The following CLIP4 variants were observed in gnomAD, a reference collection of about 807,000 sequenced individuals.
The protein encoded by CLIP4 is CAP-Gly domain-containing linker protein 4.
A neutral mutation model predicts 73.1 loss-of-function variants in CLIP4; 47 were observed. The ratio of observed to expected loss-of-function variants is 0.64; its 90% CI spans 0.51 to 0.82. The LOEUF (loss-of-function observed/expected upper bound fraction) is 0.82. CLIP4 is among the 40% of genes least tolerant of loss of function. CLIP4 has a pLI of 0.00. For missense variants in CLIP4, 874 were observed against 852.9 expected (o/e 1.02, Z -0.31); for synonymous variants, 306 against 295.4 (o/e 1.04, Z -0.37).
At chr2:29,140,566 A>G (rs866986539) in intron 6 of CLIP4, among the ~76,000 whole-genome samples, 114 of 152,322 alleles carry the variant, frequency 7.5e-4, no homozygotes, top group Admixed American at 1.0e-3. Flanking sequence ...TTATAGCAGC[A>G]TGATTTATAG....
chr2:29,103,880 AT>A (rs893363503), intron 1 of CLIP4, among the ~76,000 whole-genome samples: 24 of 149,632 alleles, frequency 1.6e-4, no homozygotes, highest in Admixed American at 2.7e-4. Flanking sequence ...TGCCCAGTTA[AT>A]TTTTTTTTTA....
At chr2:29,101,153 G>T (rs541136788) in intron 1 of CLIP4, among the ~76,000 whole-genome samples, 1 of 152,202 alleles carries the variant, frequency 6.6e-6, no homozygotes, top group East Asian at 1.9e-4. Context: ...AGCCAGGCGT[G>T]GTGGTGCATG....
At chr2:29,118,020 A>T (rs1663987439) in intron 1 of CLIP4, among the ~76,000 whole-genome samples, 1 of 152,242 alleles carries the variant, frequency 6.6e-6, no homozygotes, top group Non-Finnish European at 1.5e-5. Flanking sequence ...GATGTTATGT[A>T]GGTAGCAAAT....
At chr2:29,147,201 G>T (rs987532516) in intron 8 of CLIP4, among the ~76,000 whole-genome samples, 1 of 151,860 alleles carries the variant, frequency 6.6e-6, no homozygotes, top group Non-Finnish European at 1.5e-5. Flanking sequence ...TTCTCTTATT[G>T]TGGTGAAATA....
intron 8 of CLIP4, among the ~76,000 whole-genome samples, chr2:29,146,665 G>A (rs747371737): frequency 1.3e-5 from 2 of 152,142 alleles, no homozygotes; most frequent in African/African-American, 4.8e-5. Context: ...TGGTGAGGTG[G>A]TGTGGTATGA....
chr2:29,144,402 G>T (rs538434130), intron 7 of CLIP4, among the ~76,000 whole-genome samples: 2 of 152,270 alleles, frequency 1.3e-5, no homozygotes, highest in East Asian at 3.9e-4. Flanking sequence ...AAGGATTTGT[G>T]TGGAAAAGAG....
intron 2 of CLIP4, among the ~76,000 whole-genome samples, chr2:29,121,816 G>A (rs1170578167): frequency 2.0e-5 from 3 of 152,086 alleles, no homozygotes; most frequent in Non-Finnish European, 2.9e-5. Context: ...GCATTCTTCT[G>A]CTATTGATGT....
chr2:29,141,462 T>C (rs918680553), intron 6 of CLIP4, among the ~76,000 whole-genome samples: 3 of 152,248 alleles, frequency 2.0e-5, no homozygotes, highest in Admixed American at 1.3e-4. Context: ...TCTACATCTT[T>C]TTGTAAGTCT....
Position 29,107,373 on chromosome 2 carries a change from T to TTTTG in CLIP4, c.-16+9429_-16+9430insGTTT, listed in dbSNP as rs1558504989. Among the ~76,000 whole-genome samples the TTTTG allele has an allele frequency of 7.7e-4, 97 of 126,790 alleles. 5 individuals are homozygous for TTTTG. Among genetic ancestry groups the TTTTG allele is most frequent in the East Asian group, 9.1e-4 (4 of 4,374 alleles). 83.2% of individuals were successfully genotyped at this position (126,790 alleles called of 152,430 possible). On this transcript the variant is annotated intron_variant, in intron 1 of 14. Transcript: ENST00000401605. ...GAACATGATAGTTTTTTTTTTTTTT[T>TTTTG]TTTTTTTTTTTTTTTTGAGATGGAG...
At chr2:29,174,546 T>G (rs1300798579) in intron 15 of CLIP4, 101 bp downstream of exon 15, 15 of 1,496,182 alleles carry the variant, frequency 1.0e-5, no homozygotes, top group Non-Finnish European at 1.3e-5. Flanking sequence ...CATTGCTTGG[T>G]AGAGTTTTAA....
intron 8 of CLIP4, among the ~76,000 whole-genome samples, chr2:29,152,063 C>A (rs890894078): frequency 3.3e-5 from 5 of 152,092 alleles, no homozygotes; most frequent in African/African-American, 1.2e-4. Context: ...TTTATCCCTG[C>A]TATGTGTAAC....
chr2:29,169,147 A>G (rs993146897), intron 14 of CLIP4, among the ~76,000 whole-genome samples: 3 of 152,170 alleles, frequency 2.0e-5, no homozygotes, highest in Non-Finnish European at 4.4e-5. Context: ...ATTAGTTGCT[A>G]GGGATGCTGT....
intron 14 of CLIP4, among the ~76,000 whole-genome samples, chr2:29,173,957 T>C (rs1417157278): frequency 6.6e-6 from 1 of 152,232 alleles, no homozygotes; most frequent in Non-Finnish European, 1.5e-5. Context: ...TAATTCAATT[T>C]TATTTGATTT....
At chr2:29,168,678 A>G (rs1207412568) in intron 14 of CLIP4, among the ~76,000 whole-genome samples, 1 of 150,924 alleles carries the variant, frequency 6.6e-6, no homozygotes, top group Admixed American at 6.6e-5. Flanking sequence ...ACCTGCCACC[A>G]CGCCCGGCTA....
At chr2:29,131,180 TG>T in intron 2 of CLIP4, 77 bp from the exon 3 acceptor site, 1 of 1,203,744 alleles carries the variant, frequency 8.3e-7, no homozygotes, top group African/African-American at 1.6e-5. Context: ...ATTTGAACCT[TG>T]GTTTTATTGT....
At chr2:29,104,767 A>G (rs1390387612) in intron 1 of CLIP4, among the ~76,000 whole-genome samples, 1 of 152,194 alleles carries the variant, frequency 6.6e-6, no homozygotes, top group African/African-American at 2.4e-5. Flanking sequence ...ATCAGCAACA[A>G]TGCCTCTAAA....
chr2:29,099,248 G>A (rs78987016), intron 1 of CLIP4, among the ~76,000 whole-genome samples: 3,922 of 152,134 alleles, frequency 0.026, 173 homozygotes, highest in African/African-American at 0.089. Context: ...TTATGCCTTT[G>A]GTGTTGTATC....
chr2:29,150,643 C>CTTTTTTTTTTT (rs34553625), intron 8 of CLIP4, among the ~76,000 whole-genome samples: 1 of 80,234 alleles, frequency 1.2e-5, no homozygotes, highest in African/African-American at 4.4e-5. Flanking sequence ...TTGATTTGCT[C>CTTTTTTTTTTT]TTTTTTTTTT....
At position 29,103,479 on chromosome 2, in the gene CLIP4, G is replaced by A. The variant is rs75636300; in HGVS notation, c.-16+5532G>A. Among the ~76,000 whole-genome samples the A allele has an allele frequency of 6.5e-3, 980 of 151,916 alleles. 14 individuals are homozygous for A. Among genetic ancestry groups the A allele is most frequent in the African/African-American group, 0.022 (929 of 41,448 alleles). On this transcript the variant is annotated intron_variant, in intron 1 of 14. Transcript: ENST00000401605. ...CTTATTGAGTAATTATTCAACATCAGGGAGTGTGCTAAATTCTTTTCATAC... is the reference window on the plus strand; with the variant it reads ...CTTATTGAGTAATTATTCAACATCAAGGAGTGTGCTAAATTCTTTTCATAC...
Sources: gnomAD v4.1 joint callset for allele counts (sites outside exome capture counted in the v4.1 genomes callset) on GRCh38, gnomAD v4.1.1 for gene constraint, MANE v1.5 for transcripts, NCBI Gene and HGNC (gene_info 2026-07-23, HGNC 2026-07-21) for gene names.